The following CD86 variants were observed in gnomAD, a reference collection of about 807,000 sequenced individuals.
CD86 encodes CD86 molecule, also known as T-lymphocyte activation antigen CD86.
A neutral mutation model predicts 32.1 loss-of-function variants in CD86; 11 were observed. The ratio of observed to expected loss-of-function variants is 0.34; its 90% CI spans 0.22 to 0.57. CD86 has a LOEUF of 0.57. Ranked by LOEUF, CD86 falls within the 20% of genes least tolerant of loss-of-function variation. The probability of loss-of-function intolerance (pLI) is 0.86; values close to 1 mark genes in which losing one functional copy is unlikely to be tolerated. For synonymous variants in CD86, 137 were observed against 135.3 expected, an observed-to-expected ratio of 1.01 and a Z score of -0.09; for missense variants, 359 against 398.4, an observed-to-expected ratio of 0.90 and a Z score of 0.84.
chr3:122,093,555 G>A (rs376694455), intron 2 of CD86, among the ~76,000 whole-genome samples: 2 of 152,158 alleles, frequency 1.3e-5, no homozygotes, highest in Non-Finnish European at 2.9e-5. Flanking sequence ...TACTGTAGGT[G>A]TTGTAACACA....
intron 1 of CD86, among the ~76,000 whole-genome samples, chr3:122,069,493 C>T (rs2072459634): frequency 6.6e-6 from 1 of 152,152 alleles, no homozygotes; most frequent in Admixed American, 6.5e-5. Context: ...TGGCCAACCC[C>T]TGCCATTAGG....
intron 1 of CD86, among the ~76,000 whole-genome samples, chr3:122,068,582 G>T (rs962925988): frequency 6.6e-6 from 1 of 152,206 alleles, no homozygotes; most frequent in African/African-American, 2.4e-5. Flanking sequence ...AGATTGAAAG[G>T]ATAACAAGTT....
chr3:122,111,869 T>C (rs532316181), intron 5 of CD86, among the ~76,000 whole-genome samples: 210 of 152,308 alleles, frequency 1.4e-3, no homozygotes, highest in African/African-American at 4.8e-3. Context: ...ACTAACTAAC[T>C]TGGCACCAAA....
At chr3:122,084,075 C>A (rs1022196693) in intron 1 of CD86, among the ~76,000 whole-genome samples, 1 of 152,190 alleles carries the variant, frequency 6.6e-6, no homozygotes, top group African/African-American at 2.4e-5. Context: ...CAAGCTCTGC[C>A]TCCCAGGTTC....
At chr3:122,093,640 T>C (rs564836184) in intron 2 of CD86, among the ~76,000 whole-genome samples, 1 of 152,336 alleles carries the variant, frequency 6.6e-6, no homozygotes, top group South Asian at 2.1e-4. Context: ...TATAATCTTA[T>C]GGGACCACCA....
intron 1 of CD86, among the ~76,000 whole-genome samples, chr3:122,086,797 C>T (rs1232202330): frequency 7.9e-5 from 12 of 152,226 alleles, no homozygotes; most frequent in Admixed American, 3.9e-4. Flanking sequence ...GCCACCATCA[C>T]ACCTGGCCCT....
rs145051042 is a variant in CD86 at position 122,061,753 on chromosome 3, A to G, written c.14+6250A>G. 1.1e-3 allele frequency among the ~76,000 whole-genome samples: 173 copies of G among 152,334 alleles called. 3 individuals are homozygous for G. The highest frequency in any genetic ancestry group is 3.8e-3 in the African/African-American group (159 of 41,576). On this transcript the variant is annotated intron_variant, in intron 1 of 6. Transcript: ENST00000330540. ...ATACATTGCTTGTTGGGAATGTACA[A>G]TGGTCAAGCCACTCTAGAAAACAGT... is the stretch of plus-strand genomic sequence containing the variant.
rs755571029 is a variant in CD86 at position 122,103,509 on chromosome 3, T to C, written c.65-3T>C. ...CTCCCTAATCCTTAACCTTCTTTTT[T>C]AGGTGCTGCTCCTCTGAAGATTCAA... On this transcript the variant is annotated splice_polypyrimidine_tract_variant and splice_region_variant and intron_variant, in intron 2 of 6. Coordinates refer to ENST00000330540, the MANE Select transcript of CD86 (RefSeq NM_175862.5). 6.3e-7 allele frequency: 1 copy of C among 1,597,016 alleles called. No individual in the cohort carries two copies. The highest frequency in any genetic ancestry group is 8.5e-7 in the Non-Finnish European group (1 of 1,171,830).
Position 122,114,981 on chromosome 3 carries a change from C to G in CD86, c.848-3067C>G, listed in dbSNP as rs539985824. Among the ~76,000 whole-genome samples the G allele has an allele frequency of 5.1e-4, 77 of 152,330 alleles. 1 individual carries two copies. In the South Asian group the frequency reaches 0.014, roughly 29 times the overall value. ...CGAATGTGGGGAGGATGTCTACTCTCTCTACTTTTGTTCCACATTGTACTG... is the reference window on the plus strand; with the variant it reads ...CGAATGTGGGGAGGATGTCTACTCTGTCTACTTTTGTTCCACATTGTACTG... On this transcript the variant is annotated intron_variant, in intron 5 of 6. Transcript: ENST00000330540.
intron 1 of CD86, among the ~76,000 whole-genome samples, chr3:122,082,035 C>T (rs2072641838): frequency 6.6e-6 from 1 of 152,192 alleles, no homozygotes. Flanking sequence ...CTTTATTTCT[C>T]CTTATTCCTG....
chr3:122,091,823 G>C (rs150021730), intron 2 of CD86, 173 bp downstream of exon 2: 13 of 625,078 alleles, frequency 2.1e-5, no homozygotes, highest in Admixed American at 1.7e-4. Context: ...TTATGATTGA[G>C]AGCAGCTGAT....
intron 5 of CD86, among the ~76,000 whole-genome samples, chr3:122,113,375 G>A (rs1400784793): frequency 6.6e-6 from 1 of 152,120 alleles, no homozygotes; most frequent in East Asian, 1.9e-4. Context: ...CCCAGTAGTA[G>A]GATTGCTGAA....
intron 1 of CD86, among the ~76,000 whole-genome samples, chr3:122,065,441 A>G (rs1489598062): frequency 6.6e-6 from 1 of 152,246 alleles, no homozygotes; most frequent in Non-Finnish European, 1.5e-5. Flanking sequence ...CAATATTTCA[A>G]AAGTCTGGAG....
intron 2 of CD86, among the ~76,000 whole-genome samples, chr3:122,099,483 G>A (rs2072962431): frequency 6.6e-6 from 1 of 152,196 alleles, no homozygotes; most frequent in East Asian, 1.9e-4. Flanking sequence ...CCTGGAGGCC[G>A]AGTGAAGTGA....
chr3:122,119,099 C>T (rs1004659117), intron 6 of CD86, among the ~76,000 whole-genome samples: 4 of 152,084 alleles, frequency 2.6e-5, no homozygotes, highest in Non-Finnish European at 4.4e-5. Context: ...CTAATAATTC[C>T]GGGCACCCTT....
chr3:122,112,863 T>A (rs1576787650), intron 5 of CD86, among the ~76,000 whole-genome samples: 2 of 152,308 alleles, frequency 1.3e-5, no homozygotes. Context: ...TTTGAATAGT[T>A]TTTTGGGAAC....
intron 1 of CD86, among the ~76,000 whole-genome samples, chr3:122,061,245 A>G (rs2072330191): frequency 6.6e-6 from 1 of 152,178 alleles, no homozygotes; most frequent in African/African-American, 2.4e-5. Context: ...TATTACAACT[A>G]TTTTCAACCA....
Position 122,068,069 on chromosome 3 carries a change from C to T in CD86, c.14+12566C>T, listed in dbSNP as rs190456627. Reference sequence around the variant, plus strand: ...GTAAGTTTTTGAATGTGCAGTGCCCCGTCCCCAGCTCTGTTGTGAAATGGA... The same window carrying T: ...GTAAGTTTTTGAATGTGCAGTGCCCTGTCCCCAGCTCTGTTGTGAAATGGA... On this transcript the variant is annotated intron_variant, in intron 1 of 6. Transcript: ENST00000330540. Among the ~76,000 whole-genome samples the T allele has an allele frequency of 9.2e-5, 14 of 152,056 alleles. No homozygotes were observed. The East Asian group carries it at 2.5e-3, about 27-fold the overall frequency.
intron 2 of CD86, among the ~76,000 whole-genome samples, chr3:122,096,554 C>T (rs1293446092): frequency 1.3e-5 from 2 of 152,080 alleles, no homozygotes; most frequent in Non-Finnish European, 2.9e-5. Flanking sequence ...ACAAGTAAAT[C>T]AATTAATGCT....
Sources: allele counts gnomAD v4.1 joint callset (sites outside exome capture counted in the v4.1 genomes callset), GRCh38; gene constraint gnomAD v4.1.1; transcripts MANE v1.5; gene names NCBI Gene and HGNC (gene_info 2026-07-23, HGNC 2026-07-21).